Variants in MYO5B observed in about 807,000 individuals in gnomAD.
The protein encoded by MYO5B is unconventional myosin-Vb.
Under a neutral mutation model 229.3 loss-of-function variants are expected in MYO5B, and 143 were observed. That is an observed-to-expected ratio of 0.62 (90% CI 0.54 to 0.72). The LOEUF is 0.72. Among genes scored for constraint, MYO5B ranks in the 30% least tolerant of loss-of-function variants. The pLI is 0.00. For missense variants in MYO5B, 2,321 were observed against 2,331.0 expected (o/e 1.00, Z 0.09); for synonymous variants, 918 against 885.2 (o/e 1.04, Z -0.66).
At chr18:49,954,164 G>C (rs2025465117) in intron 13 of MYO5B, 149 bp downstream of exon 13, 1 of 1,177,272 alleles carries the variant, frequency 8.5e-7, no homozygotes, top group East Asian at 2.5e-5. Context: ...AAGTAGAGGG[G>C]TGGGTAAAAG....
At chr18:50,053,063 A>G (rs1209079329) in intron 2 of MYO5B, among the ~76,000 whole-genome samples, 1 of 152,204 alleles carries the variant, frequency 6.6e-6, no homozygotes, top group Non-Finnish European at 1.5e-5. Context: ...TTTCAGCTTC[A>G]GAGGAGACTC....
chr18:49,838,846 T>C (rs2024021786), intron 36 of MYO5B, among the ~76,000 whole-genome samples: 1 of 152,236 alleles, frequency 6.6e-6, no homozygotes, highest in Admixed American at 6.5e-5. Context: ...TCACTGTATA[T>C]GCATTTGTAC....
intron 2 of MYO5B, among the ~76,000 whole-genome samples, chr18:50,042,226 A>G (rs1184362029): frequency 6.6e-6 from 1 of 152,130 alleles, no homozygotes; most frequent in Non-Finnish European, 1.5e-5. Context: ...CAAGATATGG[A>G]CTCACTGAAG....
chr18:49,974,743 C>T, intron 9 of MYO5B, 128 bp from the exon 10 acceptor site: 2 of 935,536 alleles, frequency 2.1e-6, no homozygotes, highest in Non-Finnish European at 3.1e-6. Context: ...CTCCAGAATC[C>T]CAGCACATGC....
intron 16 of MYO5B, among the ~76,000 whole-genome samples, chr18:49,934,325 C>T (rs761956770): frequency 6.6e-6 from 1 of 152,162 alleles, no homozygotes; most frequent in Non-Finnish European, 1.5e-5. Flanking sequence ...AAACTAGAAT[C>T]CCGGTATCAT....
intron 1 of MYO5B, among the ~76,000 whole-genome samples, chr18:50,137,246 C>G (rs1259692332): frequency 6.6e-6 from 1 of 152,186 alleles, no homozygotes; most frequent in African/African-American, 2.4e-5. Context: ...GCCTATCTAC[C>G]AAAAGGGAAA....
intron 1 of MYO5B, among the ~76,000 whole-genome samples, chr18:50,106,475 A>G (rs927843653): frequency 2.0e-5 from 3 of 152,140 alleles, no homozygotes; most frequent in African/African-American, 7.2e-5. Context: ...GTTTCTGCCT[A>G]CTAAGTTTAA....
At chr18:49,970,196 T>C (rs191788176) in intron 10 of MYO5B, among the ~76,000 whole-genome samples, 26 of 152,314 alleles carry the variant, frequency 1.7e-4, no homozygotes, top group Non-Finnish European at 2.8e-4. Flanking sequence ...ATCTCCCCTA[T>C]TAATTTCCAT....
intron 12 of MYO5B, among the ~76,000 whole-genome samples, chr18:49,957,261 C>T (rs1189852311): frequency 2.6e-5 from 4 of 151,358 alleles, no homozygotes; most frequent in African/African-American, 7.3e-5. Flanking sequence ...CACTCTCTAT[C>T]ACAGATGTTG....
chr18:50,156,308 C>T (rs2032677696), intron 1 of MYO5B, among the ~76,000 whole-genome samples: 1 of 152,186 alleles, frequency 6.6e-6, no homozygotes, highest in Non-Finnish European at 1.5e-5. Flanking sequence ...TGTCCCCACC[C>T]AAATCTCATC....
intron 9 of MYO5B, among the ~76,000 whole-genome samples, chr18:49,978,944 CAG>C (rs1194634978): frequency 6.6e-6 from 1 of 152,178 alleles, no homozygotes; most frequent in Non-Finnish European, 1.5e-5. Flanking sequence ...GTCCCTGACA[CAG>C]AGTACAGCTG....
intron 1 of MYO5B, among the ~76,000 whole-genome samples, chr18:50,173,587 G>A (rs2032950714): frequency 6.6e-6 from 1 of 152,184 alleles, no homozygotes; most frequent in South Asian, 2.1e-4. Context: ...GGTGGCTGGA[G>A]GTCAGAGCAG....
intron 1 of MYO5B, among the ~76,000 whole-genome samples, chr18:50,118,468 T>A (rs368019704): frequency 6.6e-6 from 1 of 152,248 alleles, no homozygotes; most frequent in African/African-American, 2.4e-5. Context: ...GACAGTCTCC[T>A]GAAGGGCTTA....
intron 1 of MYO5B, among the ~76,000 whole-genome samples, chr18:50,074,132 G>A (rs1312111671): frequency 6.6e-6 from 1 of 152,170 alleles, no homozygotes; most frequent in Non-Finnish European, 1.5e-5. Flanking sequence ...CAGAATCATG[G>A]CAAAAGGCAC....
At chr18:50,087,469 A>G (rs969162413) in intron 1 of MYO5B, among the ~76,000 whole-genome samples, 1 of 148,432 alleles carries the variant, frequency 6.7e-6, no homozygotes, top group Non-Finnish European at 1.5e-5. Flanking sequence ...GCTACTAGGG[A>G]GGGTGAGGCA....
chr18:50,011,502 C>T (rs2026160435), intron 4 of MYO5B, among the ~76,000 whole-genome samples: 1 of 152,170 alleles, frequency 6.6e-6, no homozygotes, highest in Admixed American at 6.5e-5. Context: ...TGCACAGGCG[C>T]TCCAAGGCCT....
At chr18:49,928,513 G>A (rs148138882) in intron 17 of MYO5B, among the ~76,000 whole-genome samples, 6,336 of 152,236 alleles carry the variant, frequency 0.042, 333 homozygotes, top group East Asian at 0.15. Flanking sequence ...ATGTGGTGGT[G>A]CACACCTGTA....
intron 1 of MYO5B, among the ~76,000 whole-genome samples, chr18:50,073,221 A>G (rs1335566090): frequency 6.6e-6 from 1 of 152,214 alleles, no homozygotes; most frequent in African/African-American, 2.4e-5. Context: ...GGGTCCCCAG[A>G]TGACAGAATA....
At chr18:49,963,545 G>A (rs544972519) in intron 10 of MYO5B, among the ~76,000 whole-genome samples, 3 of 152,078 alleles carry the variant, frequency 2.0e-5, no homozygotes, top group African/African-American at 7.2e-5. Context: ...ACCTCAGTCA[G>A]CCTCCCGAGT....
Sources: allele counts gnomAD v4.1 joint callset (sites outside exome capture counted in the v4.1 genomes callset), GRCh38; gene constraint gnomAD v4.1.1; transcripts MANE v1.5; gene names NCBI Gene and HGNC (gene_info 2026-07-23, HGNC 2026-07-21).